The following GUCY1A2 variants were observed in gnomAD, a reference collection of about 807,000 sequenced individuals.
GUCY1A2 encodes guanylate cyclase 1 soluble subunit alpha 2, also known as guanylate cyclase soluble subunit alpha-2.
A neutral mutation model predicts 63.5 loss-of-function variants in GUCY1A2; 27 were observed. The observed-to-expected ratio is 0.43, with a 90% CI of 0.31 to 0.59. GUCY1A2 has a LOEUF of 0.59. GUCY1A2 is among the 20% of genes least tolerant of loss of function. The pLI is 0.11. For missense variants in GUCY1A2, 768 were observed against 913.3 expected (o/e 0.84, Z 2.05); for synonymous variants, 364 against 343.5 (o/e 1.06, Z -0.66).
chr11:106,782,614 A>AG (rs1445309158), intron 5 of GUCY1A2, among the ~76,000 whole-genome samples: 1 of 152,134 alleles, frequency 6.6e-6, no homozygotes, highest in Non-Finnish European at 1.5e-5. Flanking sequence ...GGTGACAGGG[A>AG]GGATGGGGCA....
chr11:106,869,397 C>G (rs1859641406), intron 4 of GUCY1A2, among the ~76,000 whole-genome samples: 1 of 152,018 alleles, frequency 6.6e-6, no homozygotes, highest in South Asian at 2.1e-4. Flanking sequence ...ACAAAGTACT[C>G]AAACAAATTT....
intron 1 of GUCY1A2, among the ~76,000 whole-genome samples, chr11:106,993,470 T>G (rs1591357686): frequency 6.6e-6 from 1 of 152,108 alleles, no homozygotes; most frequent in African/African-American, 2.4e-5. Flanking sequence ...TTGCTAGATA[T>G]CCAGACATAA....
In GUCY1A2 at chr11:106,679,143, A is replaced by G. The variant is rs936470141; in HGVS notation, c.*8406T>C. The G allele has an allele frequency of 1.6e-5, 3 of 185,706 alleles. No homozygotes were observed. The highest frequency in any genetic ancestry group is 1.2e-4 in the Admixed American group (2 of 16,080). 11.5% of individuals were successfully genotyped at this position (185,706 alleles called of 1,614,324 possible). A position where few individuals can be genotyped will look rare whatever the true frequency, so the allele number is the denominator to read the frequency against. The stretch of plus-strand genomic sequence containing the variant: ...CTTTTTCTAACTGATAATTTTGATT[A>G]AAAATTGCTCAGGTTTGTTCCCTCC... On this transcript the variant is annotated 3_prime_UTR_variant, in exon 8 of 8. Transcript: ENST00000526355.
At chr11:106,920,431 C>G (rs1860427685) in intron 4 of GUCY1A2, among the ~76,000 whole-genome samples, 1 of 152,124 alleles carries the variant, frequency 6.6e-6, no homozygotes. Flanking sequence ...AGAAAAACTT[C>G]TAATGGCTTT....
chr11:107,018,071 GC>G lies in GUCY1A2; in HGVS notation c.-17del. The G allele has an allele frequency of 7.0e-7, 1 of 1,431,032 alleles. No homozygotes were observed. Among genetic ancestry groups the G allele is most frequent in the Non-Finnish European group, 9.3e-7 (1 of 1,079,114 alleles). The allele number at this position is 1,431,032 out of a possible 1,614,324, so 88.6% of individuals were successfully genotyped here. On this transcript the variant is annotated 5_prime_UTR_variant, in exon 1 of 8. Coordinates refer to ENST00000526355, the MANE Select transcript of GUCY1A2 (RefSeq NM_000855.3). ...TTCGAGACATGCTGCCGGCGGAGCT[GC>G]AGCGGCCGAGGCGGTGGCGGCGAGG...
At chr11:106,827,393 CT>C in intron 4 of GUCY1A2, 1 of 1,535,432 alleles carries the variant, frequency 6.5e-7, no homozygotes, top group South Asian at 1.1e-5. Context: ...ACTTCACAGC[CT>C]TCAATTTCAT....
intron 3 of GUCY1A2, among the ~76,000 whole-genome samples, chr11:106,945,261 G>A (rs1332240579): frequency 6.6e-6 from 1 of 151,776 alleles, no homozygotes; most frequent in Non-Finnish European, 1.5e-5. Flanking sequence ...GCTAGATGAT[G>A]AGAGAAAAAT....
chr11:106,886,860 T>C (rs1859907613), intron 4 of GUCY1A2, among the ~76,000 whole-genome samples: 1 of 152,134 alleles, frequency 6.6e-6, no homozygotes, highest in African/African-American at 2.4e-5. Context: ...TGGCTTTCTA[T>C]TTCCTTCAGG....
intron 6 of GUCY1A2, among the ~76,000 whole-genome samples, chr11:106,755,790 G>A (rs954190218): frequency 9.2e-5 from 14 of 152,168 alleles, no homozygotes; most frequent in African/African-American, 3.4e-4. Flanking sequence ...TTTGGAATCA[G>A]TGCAATGTGG....
chr11:106,906,981 T>C (rs1860217525), intron 4 of GUCY1A2, among the ~76,000 whole-genome samples: 1 of 152,028 alleles, frequency 6.6e-6, no homozygotes, highest in Admixed American at 6.6e-5. Context: ...AAATACTTAA[T>C]ATAGATGACA....
intron 2 of GUCY1A2, among the ~76,000 whole-genome samples, chr11:106,985,241 A>G (rs764050270): frequency 6.6e-6 from 1 of 152,258 alleles, no homozygotes; most frequent in Non-Finnish European, 1.5e-5. Flanking sequence ...TCACTGTACC[A>G]TATAAAGAAT....
chr11:106,812,157 A>G (rs1407153077), intron 4 of GUCY1A2, among the ~76,000 whole-genome samples: 2 of 151,972 alleles, frequency 1.3e-5, no homozygotes, highest in Non-Finnish European at 2.9e-5. Context: ...GTACAATCCC[A>G]TAGTTTAAAA....
intron 4 of GUCY1A2, among the ~76,000 whole-genome samples, chr11:106,863,060 C>A (rs1859535753): frequency 6.6e-6 from 1 of 152,034 alleles, no homozygotes; most frequent in Non-Finnish European, 1.5e-5. Context: ...CAAAGATAAA[C>A]TTGTAAGAGA....
intron 1 of GUCY1A2, among the ~76,000 whole-genome samples, chr11:106,993,609 C>T (rs1861498690): frequency 6.6e-6 from 1 of 152,092 alleles, no homozygotes; most frequent in African/African-American, 2.4e-5. Context: ...AGCTGTGCTA[C>T]TGACCTTTTT....
chr11:106,986,259 C>G, intron 1 of GUCY1A2, 128 bp from the exon 2 acceptor site: 1 of 557,060 alleles, frequency 1.8e-6, no homozygotes, highest in Non-Finnish European at 3.2e-6. Flanking sequence ...ACAGTATTAA[C>G]CCATTTTGCA....
At chr11:106,964,002 C>A (rs1861093561) in intron 3 of GUCY1A2, among the ~76,000 whole-genome samples, 1 of 151,920 alleles carries the variant, frequency 6.6e-6, no homozygotes, top group Non-Finnish European at 1.5e-5. Context: ...CATTTGCTTT[C>A]TTATTCTCTC....
At chr11:106,715,482 G>A (rs2135357812) in intron 6 of GUCY1A2, among the ~76,000 whole-genome samples, 1 of 152,280 alleles carries the variant, frequency 6.6e-6, no homozygotes, top group South Asian at 2.1e-4. Flanking sequence ...GCCTCAGGCT[G>A]TTTCTTCTGG....
intron 4 of GUCY1A2, among the ~76,000 whole-genome samples, chr11:106,924,521 G>T (rs1184946414): frequency 1.3e-5 from 2 of 152,144 alleles, no homozygotes; most frequent in African/African-American, 2.4e-5. Flanking sequence ...GACCATTTGG[G>T]TCCAATATTG....
At chr11:106,956,352 T>C (rs189828977) in intron 3 of GUCY1A2, among the ~76,000 whole-genome samples, 1 of 152,102 alleles carries the variant, frequency 6.6e-6, no homozygotes, top group African/African-American at 2.4e-5. Flanking sequence ...GATGAAGCAC[T>C]CTGGCCTTTT....
Sources: gnomAD v4.1 joint callset for allele counts (sites outside exome capture counted in the v4.1 genomes callset) on GRCh38, gnomAD v4.1.1 for gene constraint, MANE v1.5 for transcripts, NCBI Gene and HGNC (gene_info 2026-07-23, HGNC 2026-07-21) for gene names.